The following LAMC1 variants were observed in gnomAD, a reference collection of about 807,000 sequenced individuals.
LAMC1 encodes laminin subunit gamma 1, also known as laminin subunit gamma-1.
Under a neutral mutation model 173.6 loss-of-function variants are expected in LAMC1, and 38 were observed. The observed-to-expected ratio is 0.22, with a 90% CI of 0.17 to 0.29. The LOEUF (loss-of-function observed/expected upper bound fraction) is 0.29, where lower values mean the gene tolerates loss of function less well. LAMC1 is among the 10% of genes least tolerant of loss of function. The pLI is 1.00. For missense variants in LAMC1, 1,824 were observed against 2,051.8 expected, an observed-to-expected ratio of 0.89 and a Z score of 2.14; for synonymous variants, 746 against 749.1, an observed-to-expected ratio of 1.00 and a Z score of 0.07.
chr1:183,119,209 C>CT (rs1264993175), intron 11 of LAMC1, among the ~76,000 whole-genome samples: 1 of 151,802 alleles, frequency 6.6e-6, no homozygotes, highest in Non-Finnish European at 1.5e-5. Context: ...AATTTTTTTT[C>CT]TTAAAAAAAA....
chr1:183,107,569 G>A (rs1030328097), intron 2 of LAMC1, among the ~76,000 whole-genome samples: 3 of 152,156 alleles, frequency 2.0e-5, no homozygotes, highest in Admixed American at 6.5e-5. Flanking sequence ...GGTGGCTCAC[G>A]CCTGTAATCC....
At chr1:183,069,172 T>A (rs775005262) in intron 1 of LAMC1, among the ~76,000 whole-genome samples, 17 of 152,218 alleles carry the variant, frequency 1.1e-4, no homozygotes, top group African/African-American at 1.9e-4. Flanking sequence ...AGGTTCATTG[T>A]CAGGACTCTG....
intron 1 of LAMC1, among the ~76,000 whole-genome samples, chr1:183,099,341 C>T (rs1416579072): frequency 1.3e-5 from 2 of 152,114 alleles, no homozygotes; most frequent in African/African-American, 4.8e-5. Context: ...CTGCCTGCCT[C>T]GGCCTCCCAA....
chr1:183,128,132 CAG>C (rs1384303633), intron 17 of LAMC1, among the ~76,000 whole-genome samples: 3 of 152,052 alleles, frequency 2.0e-5, no homozygotes, highest in African/African-American at 4.8e-5. Flanking sequence ...GGAGATTCCT[CAG>C]AGAGAATAGA....
At chr1:183,068,370 T>C (rs1442642426) in intron 1 of LAMC1, among the ~76,000 whole-genome samples, 1 of 152,206 alleles carries the variant, frequency 6.6e-6, no homozygotes, top group Non-Finnish European at 1.5e-5. Flanking sequence ...AAGCTAGTAC[T>C]CATTTGTTGT....
At chr1:183,087,328 A>G (rs1159515922) in intron 1 of LAMC1, among the ~76,000 whole-genome samples, 2 of 152,222 alleles carry the variant, frequency 1.3e-5, no homozygotes, top group African/African-American at 4.8e-5. Context: ...TTCTCTCCCT[A>G]TAAAAGGCAA....
chr1:183,057,626 T>C (rs1185911142), intron 1 of LAMC1, among the ~76,000 whole-genome samples: 1 of 151,936 alleles, frequency 6.6e-6, no homozygotes, highest in Non-Finnish European at 1.5e-5. Context: ...CCGGGCATGA[T>C]GGTGGGCGCC....
intron 5 of LAMC1, 131 bp from the exon 6 acceptor site, chr1:183,115,389 G>A (rs1007171470): frequency 3.0e-6 from 2 of 670,892 alleles, no homozygotes; most frequent in Admixed American, 5.0e-5. Context: ...TATTACCTTT[G>A]TGACCATCAG....
intron 1 of LAMC1, among the ~76,000 whole-genome samples, chr1:183,088,691 A>G (rs1444822389): frequency 6.6e-6 from 1 of 152,238 alleles, no homozygotes; most frequent in Non-Finnish European, 1.5e-5. Context: ...AATTACAATA[A>G]GTGCTATGTG....
intron 1 of LAMC1, among the ~76,000 whole-genome samples, chr1:183,077,840 TG>T (rs1220995057): frequency 6.7e-6 from 1 of 149,880 alleles, no homozygotes; most frequent in Non-Finnish European, 1.5e-5. Flanking sequence ...GATGGACATT[TG>T]GGTTGGTTCC....
At chr1:183,126,716 A>G (rs1478993069) in intron 16 of LAMC1, among the ~76,000 whole-genome samples, 1 of 152,220 alleles carries the variant, frequency 6.6e-6, no homozygotes, top group African/African-American at 2.4e-5. Flanking sequence ...CCTTGGCATA[A>G]ACACTTGCCT....
chr1:183,050,666 T>C (rs945590498), intron 1 of LAMC1, among the ~76,000 whole-genome samples: 10 of 146,334 alleles, frequency 6.8e-5, no homozygotes, highest in Non-Finnish European at 1.2e-4. Flanking sequence ...CTGAGGCTGG[T>C]GGATCACATG....
intron 1 of LAMC1, among the ~76,000 whole-genome samples, chr1:183,066,523 C>T (rs1002741854): frequency 6.6e-6 from 1 of 152,234 alleles, no homozygotes; most frequent in African/African-American, 2.4e-5. Flanking sequence ...TATTGCAGCA[C>T]TGTTCACAAT....
At chr1:183,115,738 C>G in intron 6 of LAMC1, 101 bp downstream of exon 6, 1 of 839,760 alleles carries the variant, frequency 1.2e-6, no homozygotes, top group Non-Finnish European at 2.0e-6. Flanking sequence ...AAACATTTTT[C>G]CTGTAATAAT....
At chr1:183,102,491 A>G (rs1348219434) in intron 1 of LAMC1, among the ~76,000 whole-genome samples, 1 of 152,222 alleles carries the variant, frequency 6.6e-6, no homozygotes, top group Non-Finnish European at 1.5e-5. Flanking sequence ...GCAAGACCCA[A>G]TGTGTGAATG....
rs746713767 is a variant in LAMC1 at position 183,124,698 on chromosome 1, A to G, written c.2469A>G (p.Arg823=). ...GDPLGRNGPV[R]LCRLCQCSDN... ...CCCTGGGTAGAAACGGCCCTGTGAG[A>G]CTTTGCCGCCTGTGCCAGTGCAGTG... is the stretch of plus-strand genomic sequence containing the variant. The change falls in exon 14 of 28, where the codon AGA becomes AGG. Residue 823 remains arginine (R), a synonymous_variant. Coordinates refer to ENST00000258341, the MANE Select transcript of LAMC1 (RefSeq NM_002293.4). 5 of 1,614,082 alleles carry G rather than the reference A, an allele frequency of 3.1e-6. No homozygotes were observed. The South Asian group carries it at 4.4e-5, about 14-fold the overall frequency.
At chr1:183,140,541 T>A (rs1336646792) in intron 27 of LAMC1, 38 bp downstream of exon 27, 3 of 1,349,328 alleles carry the variant, frequency 2.2e-6, no homozygotes, top group Non-Finnish European at 3.2e-6. Flanking sequence ...AGTCTCTGAA[T>A]CTTTTGTACT....
intron 1 of LAMC1, among the ~76,000 whole-genome samples, chr1:183,060,666 G>GA (rs929133127): frequency 1.3e-5 from 2 of 152,204 alleles, no homozygotes; most frequent in Admixed American, 6.5e-5. Flanking sequence ...ACAAGAGCTA[G>GA]ATCTTAATCA....
intron 1 of LAMC1, among the ~76,000 whole-genome samples, chr1:183,063,879 G>A (rs982569694): frequency 8.5e-5 from 13 of 152,246 alleles, no homozygotes; most frequent in Admixed American, 1.3e-4. Context: ...CTCATCCATC[G>A]TAATTGATAC....
Sources: gnomAD v4.1 joint callset for allele counts (sites outside exome capture counted in the v4.1 genomes callset) on GRCh38, gnomAD v4.1.1 for gene constraint, MANE v1.5 for transcripts, NCBI Gene and HGNC (gene_info 2026-07-23, HGNC 2026-07-21) for gene names.